Variants in CAMTA1 observed in about 807,000 individuals in gnomAD.
The protein encoded by CAMTA1 is calmodulin-binding transcription activator 1.
CAMTA1 carries 27 observed loss-of-function variants against 170.9 expected under a neutral mutation model. The observed-to-expected ratio is 0.16, with a 90% CI of 0.12 to 0.22. CAMTA1 has a LOEUF of 0.22. Ranked by LOEUF, CAMTA1 falls within the 10% of genes least tolerant of loss-of-function variation. The probability of loss-of-function intolerance (pLI) is 1.00; values close to 1 mark genes in which losing one functional copy is unlikely to be tolerated. For synonymous variants in CAMTA1, 833 were observed against 891.5 expected, an observed-to-expected ratio of 0.93 and a Z score of 1.17; for missense variants, 1,619 against 2,217.2, an observed-to-expected ratio of 0.73 and a Z score of 5.42.
At chr1:7,415,618 C>T (rs1269902995) in intron 5 of CAMTA1, among the ~76,000 whole-genome samples, 1 of 152,046 alleles carries the variant, frequency 6.6e-6, no homozygotes, top group Non-Finnish European at 1.5e-5. Flanking sequence ...CTTGGTAGAT[C>T]TTCCTCCATC....
rs1577554156 is a variant in CAMTA1 at position 7,768,954 on chromosome 1, G to A, written c.*2463G>A. 6.6e-6 allele frequency: 1 copy of A among 152,134 alleles called. No individual in the cohort carries two copies. Among genetic ancestry groups the A allele is most frequent in the Admixed American group, 6.6e-5 (1 of 15,242 alleles). The allele number at this position is 152,134 out of a possible 1,614,324, so 9.4% of individuals were successfully genotyped here. A position where few individuals can be genotyped will look rare whatever the true frequency, so the allele number is the denominator to read the frequency against. The stretch of plus-strand genomic sequence containing the variant: ...TCCATTTATTATGGTACAAATAACT[G>A]ATGTTTTAACCAGAGTAATGACCTC... On this transcript the variant is annotated 3_prime_UTR_variant, in exon 23 of 23. Transcript: ENST00000303635.
intron 5 of CAMTA1, among the ~76,000 whole-genome samples, chr1:7,305,902 T>C (rs1675518755): frequency 6.6e-6 from 1 of 152,048 alleles, no homozygotes; most frequent in Non-Finnish European, 1.5e-5. Context: ...TTTGCATTTC[T>C]CTAATGGTTA....
At chr1:6,951,970 C>T (rs561050746) in intron 3 of CAMTA1, among the ~76,000 whole-genome samples, 1 of 152,174 alleles carries the variant, frequency 6.6e-6, no homozygotes, top group Non-Finnish European at 1.5e-5. Flanking sequence ...TCCTGCTGCT[C>T]CCTTGAACCA....
chr1:7,573,237 C>A (rs1490716635), intron 6 of CAMTA1, among the ~76,000 whole-genome samples: 1 of 152,186 alleles, frequency 6.6e-6, no homozygotes, highest in East Asian at 1.9e-4. Flanking sequence ...TCCCCAGAAC[C>A]CCTTGCACCT....
At position 7,333,788 on chromosome 1, in the gene CAMTA1, G is replaced by T. The variant is rs2083181098; in HGVS notation, c.438+84162G>T. Among the ~76,000 whole-genome samples the T allele has an allele frequency of 6.6e-6, 1 of 152,198 alleles. No individual in the cohort carries two copies. The highest frequency in any genetic ancestry group is 1.5e-5 in the Non-Finnish European group (1 of 68,044). ...CAACTTTAGATTTGCTTTGCCGTTT[G>T]CAGTCTCTTGAATAAAGCATTTTTG... On this transcript the variant is annotated intron_variant, in intron 5 of 22. Transcript: ENST00000303635. The surrounding 1 kb of genome is among the most constrained non-coding windows in gnomAD (Gnocchi z 4.4).
chr1:7,290,189 A>C (rs1672920111), intron 5 of CAMTA1, among the ~76,000 whole-genome samples: 1 of 152,226 alleles, frequency 6.6e-6, no homozygotes, highest in Non-Finnish European at 1.5e-5. Context: ...TATCAAGTCC[A>C]TCGTGTGGAC....
chr1:6,996,838 A>T (rs1421746502), intron 3 of CAMTA1, among the ~76,000 whole-genome samples: 1 of 152,138 alleles, frequency 6.6e-6, no homozygotes, highest in Non-Finnish European at 1.5e-5. Context: ...AAATATATAT[A>T]TTTTAAATGT....
At chr1:7,751,177 C>T (rs1422856149) in intron 19 of CAMTA1, 22 bp from the exon 20 acceptor site, 1 of 1,551,976 alleles carries the variant, frequency 6.4e-7, no homozygotes, top group Non-Finnish European at 8.7e-7. Context: ...TACTGTGTCG[C>T]TTGTTCTTGT....
At chr1:7,525,829 G>T (rs979230522) in intron 6 of CAMTA1, among the ~76,000 whole-genome samples, 3 of 152,034 alleles carry the variant, frequency 2.0e-5, no homozygotes, top group African/African-American at 7.2e-5. Context: ...GTCACTTAGC[G>T]CCCAGGGCCA....
At chr1:6,878,981 T>A (rs1175052321) in intron 3 of CAMTA1, among the ~76,000 whole-genome samples, 1 of 152,248 alleles carries the variant, frequency 6.6e-6, no homozygotes. Flanking sequence ...AAGATGTTCA[T>A]TTCTTTTATC....
chr1:6,982,728 G>A (rs1178655972), intron 3 of CAMTA1, among the ~76,000 whole-genome samples: 1 of 152,252 alleles, frequency 6.6e-6, no homozygotes, highest in Non-Finnish European at 1.5e-5. Flanking sequence ...ACCCCCTCCT[G>A]GCTGCCTCCC....
intron 4 of CAMTA1, among the ~76,000 whole-genome samples, chr1:7,187,251 A>C (rs924640710): frequency 5.9e-5 from 9 of 152,252 alleles, no homozygotes; most frequent in Non-Finnish European, 1.0e-4. Flanking sequence ...GCCAGCCTGC[A>C]GAGTTTTTAC....
rs566001528 is a variant in CAMTA1 at position 7,034,606 on chromosome 1, A to T, written c.235-56698A>T. ...TCTTTTTCCAACACTCTGCCCTGTG[A>T]CCTCTGGCTGCCTTGGCCTTCTTAC... is the stretch of plus-strand genomic sequence containing the variant. On this transcript the variant is annotated intron_variant, in intron 3 of 22. Coordinates refer to ENST00000303635, the MANE Select transcript of CAMTA1 (RefSeq NM_015215.4). 2.2e-4 allele frequency among the ~76,000 whole-genome samples: 34 copies of T among 152,154 alleles called. 2 individuals carry two copies. In the South Asian group the frequency reaches 6.7e-3, roughly 30 times the overall value.
At chr1:7,125,914 G>C (rs929823314) in intron 4 of CAMTA1, among the ~76,000 whole-genome samples, 1 of 152,168 alleles carries the variant, frequency 6.6e-6, no homozygotes, top group African/African-American at 2.4e-5. Flanking sequence ...GCTGCTGATA[G>C]AGACAGGCCT....
At chr1:6,878,757 A>G (rs544162983) in intron 3 of CAMTA1, among the ~76,000 whole-genome samples, 42 of 152,348 alleles carry the variant, frequency 2.8e-4, no homozygotes, top group African/African-American at 9.4e-4. Context: ...GGTAAAGTCC[A>G]TGGCAGTTCA....
intron 3 of CAMTA1, among the ~76,000 whole-genome samples, chr1:6,943,041 G>C (rs988118447): frequency 6.6e-6 from 1 of 152,116 alleles, no homozygotes; most frequent in African/African-American, 2.4e-5. Flanking sequence ...GCAACGTGCT[G>C]ACCACTCTGT....
rs1708546571 is a variant in CAMTA1 at position 7,063,437 on chromosome 1, A to G, written c.235-27867A>G. 6.6e-6 allele frequency among the ~76,000 whole-genome samples: 1 copy of G among 152,184 alleles called. No homozygotes were observed. The highest frequency in any genetic ancestry group is 1.5e-5 in the Non-Finnish European group (1 of 68,026). Reference sequence around the variant, plus strand: ...TCTTAGCAGGGCATCTCTGGAGAGAATGTTCCACGGAGCACACCTCGGGAA... The same window carrying G: ...TCTTAGCAGGGCATCTCTGGAGAGAGTGTTCCACGGAGCACACCTCGGGAA... On this transcript the variant is annotated intron_variant, in intron 3 of 22. Coordinates refer to ENST00000303635, the MANE Select transcript of CAMTA1 (RefSeq NM_015215.4). The surrounding 1 kb of genome is among the most constrained non-coding windows in gnomAD (Gnocchi z 4.3).
At position 7,742,624 on chromosome 1, in the gene CAMTA1, C is replaced by T. The variant is rs373125484; in HGVS notation, c.4183-2211C>T. ...ACTTTTCAGGTCCAACTACTGAGAA[C>T]GTTACTTAAGATGTTTTTACATTGT... On this transcript the variant is annotated intron_variant, in intron 16 of 22. Coordinates refer to ENST00000303635, the MANE Select transcript of CAMTA1 (RefSeq NM_015215.4). 4.6e-5 allele frequency among the ~76,000 whole-genome samples: 7 copies of T among 152,058 alleles called. No homozygotes were observed. In the East Asian group the frequency reaches 1.2e-3, roughly 25 times the overall value.
At chr1:7,311,592 G>C (rs1244418442) in intron 5 of CAMTA1, among the ~76,000 whole-genome samples, 1 of 133,168 alleles carries the variant, frequency 7.5e-6, no homozygotes, top group Non-Finnish European at 1.7e-5. Flanking sequence ...CTATTTCTAT[G>C]AAAGTTGAGT....
Sources: allele counts gnomAD v4.1 joint callset (sites outside exome capture counted in the v4.1 genomes callset), GRCh38; gene constraint gnomAD v4.1.1; non-coding constraint Gnocchi (gnomAD v3.1); transcripts MANE v1.5; gene names NCBI Gene and HGNC (gene_info 2026-07-23, HGNC 2026-07-21).